SMARCAL1: variants seen among roughly 807,000 people sequenced by gnomAD.
SMARCAL1 encodes the protein ATP-driven annealing helicase.
SMARCAL1 carries 58 observed loss-of-function variants against 94.5 expected under a neutral mutation model. That is an observed-to-expected ratio of 0.61 (90% CI 0.50 to 0.76). SMARCAL1 has a LOEUF of 0.76. Ranked by LOEUF, SMARCAL1 falls within the 30% of genes least tolerant of loss-of-function variation. The probability of loss-of-function intolerance (pLI) is 0.00; values close to 1 mark genes in which losing one functional copy is unlikely to be tolerated. For missense variants in SMARCAL1, 1,051 were observed against 1,177.9 expected, an observed-to-expected ratio of 0.89 and a Z score of 1.58; for synonymous variants, 422 against 455.1, an observed-to-expected ratio of 0.93 and a Z score of 0.93.
In SMARCAL1 at chr2:216,415,254, C is replaced by A; in HGVS notation, c.550C>A (p.Pro184Thr). Residue 184 changes from proline (P) to threonine (T), a missense_variant, in exon 3 of 18, where the codon CCT (proline) becomes ACT (threonine). Pro to Thr is a conservative substitution (Grantham distance 38). Transcript: ENST00000357276. ...QETPAHSSGQPPRDAKLEAKT... is the reference protein window; with the variant it reads ...QETPAHSSGQTPRDAKLEAKT... The stretch of plus-strand genomic sequence containing the variant: ...GACACCAGCTCATTCCTCTGGACAG[C>A]CTCCCAGGGATGCTAAGTTAGAGGC... 6.2e-7 allele frequency: 1 copy of A among 1,614,236 alleles called. No homozygotes were observed. Among genetic ancestry groups the A allele is most frequent in the Non-Finnish European group, 8.5e-7 (1 of 1,180,040 alleles).
chr2:216,465,262 A>T (rs1399145702), intron 13 of SMARCAL1, among the ~76,000 whole-genome samples: 4 of 152,200 alleles, frequency 2.6e-5, no homozygotes, highest in Non-Finnish European at 5.9e-5. Flanking sequence ...TCTCTAAGAG[A>T]TCCTGTCTTG....
Position 216,420,437 on chromosome 2 carries a change from G to A in SMARCAL1, c.1001G>A (p.Arg334Gln), listed in dbSNP as rs138575228. 100 of 1,614,036 alleles carry A rather than the reference G, an allele frequency of 6.2e-5. No individual in the cohort carries two copies. The African/African-American group carries it at 7.7e-4, about 12-fold the overall frequency. The change falls in exon 5 of 18, where the codon CGA becomes CAA. Residue 334 changes from arginine (R) to glutamine (Q), a missense_variant. Arg to Gln is a conservative substitution (Grantham distance 43). Coordinates refer to ENST00000357276, the MANE Select transcript of SMARCAL1 (RefSeq NM_014140.4). ...CCATCCCTTTCATTTGTCAAAGGGC[G>A]ATGCATGCTCATCTCCAGGGCCTAC... ...SAPSLSFVKG[R>Q]CMLISRAYFE...
At chr2:216,454,502 G>A (rs999482747) in intron 12 of SMARCAL1, among the ~76,000 whole-genome samples, 124 of 152,268 alleles carry the variant, frequency 8.1e-4, no homozygotes, top group African/African-American at 2.7e-3. Context: ...TGGTTCTACC[G>A]TTTAGTAGCA....
rs1385189776 is a variant in SMARCAL1, at chr2:216,482,929, G to A, written c.2817G>A (p.Arg939=). 5.0e-6 allele frequency: 8 copies of A among 1,614,098 alleles called. No homozygotes were observed. The highest frequency in any genetic ancestry group is 5.9e-6 in the Non-Finnish European group (7 of 1,180,050). The part of the protein sequence containing the change: ...SSLTASPQKK[R]RFEFFDNWDS... ...TGACAGCCAGTCCACAGAAGAAAAG[G>A]AGATTTGAATTTTTTGATAACTGGG... The change falls in exon 18 of 18, where the codon AGG becomes AGA. Residue 939 remains arginine (R), a synonymous_variant. Coordinates refer to ENST00000357276, the MANE Select transcript of SMARCAL1 (RefSeq NM_014140.4). The surrounding 1 kb of genome is among the most constrained non-coding windows in gnomAD (Gnocchi z 4.3).
Position 216,414,940 on chromosome 2 carries a change from C to T in SMARCAL1, c.236C>T (p.Ser79Leu), listed in dbSNP as rs1346269253. 2 of 1,614,072 alleles carry T rather than the reference C, an allele frequency of 1.2e-6. No homozygotes were observed. The highest frequency in any genetic ancestry group is 2.2e-5 in the East Asian group (1 of 44,902). ...TTCAAGCAACAGAATCTCAGTAGCT[C>T]ATCTAATGCTGACCAAAGACCTCAT... Reference protein sequence around the residue: ...VIFKQQNLSSSSNADQRPHDS... With the variant: ...VIFKQQNLSSLSNADQRPHDS... The change falls in exon 3 of 18, where the codon TCA becomes TTA. Residue 79 changes from serine to leucine, a missense_variant. Transcript: ENST00000357276.
chr2:216,475,489 G>C lies in SMARCAL1; in HGVS notation c.2427+38G>C, dbSNP rs779561457. 5 of 1,605,736 alleles carry C rather than the reference G, an allele frequency of 3.1e-6. No homozygotes were observed. In the South Asian group the frequency reaches 5.5e-5, roughly 18 times the overall value. On this transcript the variant is annotated intron_variant, in intron 15 of 17. Transcript: ENST00000357276. This position sits in a 1 kb window ranked among gnomAD's most constrained non-coding sequence, Gnocchi z 4.4. ...GAAGACTCAGATACTCCCCAGGCAT[G>C]CTCATGGCTGTGGGCAGGAAGCAGT...
At chr2:216,424,055 G>A (rs1162335017) in intron 6 of SMARCAL1, among the ~76,000 whole-genome samples, 1 of 152,190 alleles carries the variant, frequency 6.6e-6, no homozygotes, top group East Asian at 1.9e-4. Flanking sequence ...TCTAAGAATA[G>A]GCTCTCAGTG....
rs1468010888 is a variant in SMARCAL1 at position 216,482,734 on chromosome 2, G to A, written c.2626-4G>A. The A allele has an allele frequency of 8.1e-6, 13 of 1,614,196 alleles. No homozygotes were observed. Among genetic ancestry groups the A allele is most frequent in the Non-Finnish European group, 1.1e-5 (13 of 1,180,034 alleles). ...TTATCTTTTGTTTTCTTTCTCTGAT[G>A]AAGGACCCAAAGCAGCAGAAGATCT... On this transcript the variant is annotated splice_polypyrimidine_tract_variant and splice_region_variant and intron_variant, in intron 17 of 17. Coordinates refer to ENST00000357276, the MANE Select transcript of SMARCAL1 (RefSeq NM_014140.4). This position sits in a 1 kb window ranked among gnomAD's most constrained non-coding sequence, Gnocchi z 4.3.
intron 10 of SMARCAL1, among the ~76,000 whole-genome samples, chr2:216,444,090 A>G (rs1376014679): frequency 6.6e-6 from 1 of 152,094 alleles, no homozygotes; most frequent in Non-Finnish European, 1.5e-5. Context: ...TTGTATCATG[A>G]CCTCTGAACT....
intron 12 of SMARCAL1, among the ~76,000 whole-genome samples, chr2:216,456,793 G>C (rs1276114502): frequency 6.6e-6 from 1 of 152,112 alleles, no homozygotes; most frequent in African/African-American, 2.4e-5. Flanking sequence ...CAACTAACGA[G>C]CAAAATAACC....
At chr2:216,456,719 A>G (rs1490654450) in intron 12 of SMARCAL1, among the ~76,000 whole-genome samples, 2 of 152,250 alleles carry the variant, frequency 1.3e-5, no homozygotes, top group African/African-American at 2.4e-5. Context: ...AGGAACAACC[A>G]GTATCAGCCA....
At chr2:216,478,462 A>C (rs1695135338) in intron 17 of SMARCAL1, among the ~76,000 whole-genome samples, 163 bp downstream of exon 17, 1 of 152,194 alleles carries the variant, frequency 6.6e-6, no homozygotes. Context: ...TGAACCATGC[A>C]TGCATCGCTT....
chr2:216,475,592 AAGCACTTCT>A lies in SMARCAL1; in HGVS notation c.2427+143_2427+151del. 2.3e-6 allele frequency: 2 copies of A among 856,872 alleles called. No individual in the cohort carries two copies. The highest frequency in any genetic ancestry group is 3.9e-5 in the Admixed American group (2 of 50,664). The allele number at this position is 856,872 out of a possible 1,614,324, so 53.1% of individuals were successfully genotyped here. On this transcript the variant is annotated intron_variant, in intron 15 of 17. Coordinates refer to ENST00000357276, the MANE Select transcript of SMARCAL1 (RefSeq NM_014140.4). The surrounding 1 kb of genome is among the most constrained non-coding windows in gnomAD (Gnocchi z 4.4). ...CCACAAGTCAGTTTTCACTTCCTTT[AAGCACTTCT>A]ATGTTGATTGACTAGTCTCTTTTTT...
chr2:216,473,512 A>T (rs1246163321), intron 14 of SMARCAL1, among the ~76,000 whole-genome samples: 2 of 152,034 alleles, frequency 1.3e-5, no homozygotes, highest in Admixed American at 1.3e-4. Flanking sequence ...GAGACCCCTA[A>T]ATCTGCAGAA....
intron 8 of SMARCAL1, 114 bp from the exon 9 acceptor site, chr2:216,435,224 G>A: frequency 1.8e-6 from 2 of 1,123,164 alleles, no homozygotes; most frequent in Non-Finnish European, 2.6e-6. Flanking sequence ...GCACAGGTAG[G>A]TGAGAGGAAG....
chr2:216,441,498 A>T (rs543316840), intron 10 of SMARCAL1, among the ~76,000 whole-genome samples: 1 of 152,240 alleles, frequency 6.6e-6, no homozygotes, highest in Admixed American at 6.5e-5. Flanking sequence ...CAGCATGTCA[A>T]TTATTGAGCA....
intron 13 of SMARCAL1, 39 bp downstream of exon 13, chr2:216,464,706 CT>C (rs1310898471): frequency 9.1e-7 from 1 of 1,101,614 alleles, no homozygotes; most frequent in Admixed American, 1.8e-5. Context: ...TCTCTCTCAT[CT>C]TCAAAAAAAA....
At chr2:216,436,211 C>T (rs1694078839) in intron 9 of SMARCAL1, among the ~76,000 whole-genome samples, 1 of 152,154 alleles carries the variant, frequency 6.6e-6, no homozygotes, top group Admixed American at 6.5e-5. Flanking sequence ...TCAGGTGATC[C>T]ACCCACCTTG....
rs192379023 is a variant in SMARCAL1 at position 216,432,289 on chromosome 2, C to T, written c.1335-429C>T. On this transcript the variant is annotated intron_variant, in intron 7 of 17. Transcript: ENST00000357276. ...GATTACAGGCATGAGCCACCGCGCC[C>T]GACCCTTTCCTTCCTTTCAAGGCAG... Among the ~76,000 whole-genome samples the T allele has an allele frequency of 7.2e-5, 11 of 152,154 alleles. No individual in the cohort carries two copies. The East Asian group carries it at 1.7e-3, about 24-fold the overall frequency.
Sources: gnomAD v4.1 joint callset for allele counts (sites outside exome capture counted in the v4.1 genomes callset) on GRCh38, gnomAD v4.1.1 for gene constraint, Gnocchi (gnomAD v3.1) non-coding constraint, MANE v1.5 for transcripts, NCBI Gene and HGNC (gene_info 2026-07-23, HGNC 2026-07-21) for gene names.